The following HDAC9 variants were observed in gnomAD, a reference collection of about 807,000 sequenced individuals.
The protein encoded by HDAC9 is histone deacetylase 9.
Under a neutral mutation model 139.4 loss-of-function variants are expected in HDAC9, and 41 were observed. The ratio of observed to expected loss-of-function variants is 0.29; its 90% CI spans 0.23 to 0.38. HDAC9 has a LOEUF of 0.38. HDAC9 is among the 10% of genes least tolerant of loss of function. HDAC9 has a pLI of 1.00. For synonymous variants in HDAC9, 517 were observed against 476.2 expected (o/e 1.09, Z -1.12); for missense variants, 1,147 against 1,297.0 (o/e 0.88, Z 1.78).
chr7:18,168,389 T>C (rs1318119117), intron 2 of HDAC9, among the ~76,000 whole-genome samples: 1 of 152,216 alleles, frequency 6.6e-6, no homozygotes, highest in East Asian at 1.9e-4. Flanking sequence ...TCATGAACAC[T>C]ACTATAAAAC....
rs554774034 is a variant in HDAC9 at position 18,380,634 on chromosome 7, A to G, written c.-42+90119A>G. On this transcript the variant is annotated intron_variant, in intron 1 of 3. Transcript: ENST00000413509. ...CAGGTATGGTCTAGCGATGGTCTTC[A>G]CTGAGCTGAAAGGGAGGCCAAATAC... 2.6e-5 allele frequency among the ~76,000 whole-genome samples: 4 copies of G among 152,330 alleles called. No homozygotes were observed. The East Asian group carries it at 7.7e-4, about 29-fold the overall frequency.
intron 14 of HDAC9, among the ~76,000 whole-genome samples, chr7:18,753,360 A>G (rs1035418533): frequency 1.3e-5 from 2 of 152,104 alleles, no homozygotes; most frequent in African/African-American, 2.4e-5. Context: ...CAAGAGACAG[A>G]GGAGGTAATG....
chr7:18,690,451 T>G (rs1046711922), intron 12 of HDAC9, among the ~76,000 whole-genome samples: 2 of 152,110 alleles, frequency 1.3e-5, no homozygotes, highest in African/African-American at 4.8e-5. Flanking sequence ...GAGCATAACT[T>G]TTTTAGCCAA....
rs17138799 is a variant in HDAC9, at chr7:18,224,359, T to C, written c.25+62010T>C. 9.1e-3 allele frequency among the ~76,000 whole-genome samples: 1,384 copies of C among 152,316 alleles called. 19 individuals carry two copies. Among genetic ancestry groups the C allele is most frequent in the African/African-American group, 0.031 (1,298 of 41,564 alleles). ...TTTAGATATGACTCATAGTTCTTGGTTGGTTCAAATTCTGGATATCAATTT... is the reference window on the plus strand; with the variant it reads ...TTTAGATATGACTCATAGTTCTTGGCTGGTTCAAATTCTGGATATCAATTT... On this transcript the variant is annotated intron_variant, in intron 2 of 12. Coordinates refer to the HDAC9 transcript ENST00000417496.
chr7:18,177,713 G>A (rs1339188966), intron 2 of HDAC9, among the ~76,000 whole-genome samples: 2 of 152,162 alleles, frequency 1.3e-5, no homozygotes, highest in Non-Finnish European at 2.9e-5. Flanking sequence ...CTTTTTGAGG[G>A]CAAGGGACAT....
intron 1 of HDAC9, among the ~76,000 whole-genome samples, chr7:18,477,162 G>A (rs1230280604): frequency 6.6e-6 from 1 of 152,086 alleles, no homozygotes; most frequent in Non-Finnish European, 1.5e-5. Flanking sequence ...TACCCCTTCT[G>A]ATGAATCCTT....
chr7:18,770,272 A>C (rs1021040153), intron 16 of HDAC9, among the ~76,000 whole-genome samples: 5 of 152,042 alleles, frequency 3.3e-5, no homozygotes, highest in Admixed American at 3.3e-4. Context: ...TGGCTGACTC[A>C]TTTCTGATTC....
chr7:18,509,553 TTTG>T (rs1586485336), intron 2 of HDAC9: 2 of 634,766 alleles, frequency 3.2e-6, no homozygotes, highest in Non-Finnish European at 3.9e-6. Flanking sequence ...TTTATCTGTT[TTTG>T]TTGTTGTTGA....
chr7:18,355,890 C>G (rs1192479455), intron 1 of HDAC9, among the ~76,000 whole-genome samples: 1 of 152,092 alleles, frequency 6.6e-6, no homozygotes, highest in East Asian at 1.9e-4. Flanking sequence ...AAAGTAGACT[C>G]GTGATTTCCA....
intron 2 of HDAC9, among the ~76,000 whole-genome samples, chr7:18,251,993 T>G (rs1794943736): frequency 6.6e-6 from 1 of 152,174 alleles, no homozygotes; most frequent in East Asian, 1.9e-4. Flanking sequence ...TCCTAGATTT[T>G]TCACTTCTAT....
intron 1 of HDAC9, among the ~76,000 whole-genome samples, chr7:18,329,563 A>G (rs1800747799): frequency 6.6e-6 from 1 of 151,726 alleles, no homozygotes; most frequent in African/African-American, 2.4e-5. Context: ...TCCAAAAAAA[A>G]AAAAAACAGT....
chr7:18,769,942 T>A (rs1790146795), intron 16 of HDAC9, among the ~76,000 whole-genome samples: 1 of 152,140 alleles, frequency 6.6e-6, no homozygotes, highest in Non-Finnish European at 1.5e-5. Context: ...TACTCAGTGA[T>A]CCCCAATTGT....
chr7:18,984,359 G>T (rs1018863851), intron 25 of HDAC9, among the ~76,000 whole-genome samples: 18 of 152,106 alleles, frequency 1.2e-4, no homozygotes, highest in Admixed American at 7.2e-4. Context: ...TGGCTGGGTA[G>T]AAAGGGATCA....
intron 1 of HDAC9, among the ~76,000 whole-genome samples, chr7:18,461,820 TTAAAC>T (rs1264018000): frequency 2.0e-5 from 3 of 152,170 alleles, no homozygotes; most frequent in African/African-American, 7.2e-5. Context: ...AAAAATGTGT[TTAAAC>T]TAATATGACT....
At chr7:18,570,863 A>G (rs1247256832) in intron 2 of HDAC9, among the ~76,000 whole-genome samples, 1 of 152,262 alleles carries the variant, frequency 6.6e-6, no homozygotes, top group Non-Finnish European at 1.5e-5. Flanking sequence ...AAATTAGAAT[A>G]AGAGAAACTC....
intron 6 of HDAC9, among the ~76,000 whole-genome samples, chr7:18,614,230 CT>C (rs1346530718): frequency 5.9e-5 from 9 of 152,122 alleles, no homozygotes; most frequent in African/African-American, 2.2e-4. Flanking sequence ...AGACTTCAGG[CT>C]AACATTTCCA....
chr7:18,920,532 T>G (rs1161580479), intron 22 of HDAC9, among the ~76,000 whole-genome samples: 1 of 152,134 alleles, frequency 6.6e-6, no homozygotes, highest in East Asian at 1.9e-4. Context: ...AACACTATGT[T>G]GAGTAGGAGT....
At chr7:18,180,684 T>A (rs997289519) in intron 2 of HDAC9, among the ~76,000 whole-genome samples, 1 of 152,194 alleles carries the variant, frequency 6.6e-6, no homozygotes, top group Non-Finnish European at 1.5e-5. Context: ...AGTTACTTTA[T>A]CTCTCTGGAT....
chr7:18,144,629 A>C (rs944984607), intron 1 of HDAC9, among the ~76,000 whole-genome samples: 1 of 151,882 alleles, frequency 6.6e-6, no homozygotes, highest in African/African-American at 2.4e-5. Flanking sequence ...AGTTAACCCT[A>C]TGATGTTGTA....
Sources: gnomAD v4.1 joint callset for allele counts (sites outside exome capture counted in the v4.1 genomes callset) on GRCh38, gnomAD v4.1.1 for gene constraint, MANE v1.5 for transcripts, NCBI Gene and HGNC (gene_info 2026-07-23, HGNC 2026-07-21) for gene names.